Variants in CDK6 observed in about 807,000 individuals in gnomAD.
CDK6 encodes the protein cyclin-dependent kinase 6.
A neutral mutation model predicts 37.1 loss-of-function variants in CDK6; 6 were observed. The ratio of observed to expected loss-of-function variants is 0.16; its 90% CI spans 0.09 to 0.32. CDK6 has a LOEUF of 0.32. Among genes scored for constraint, CDK6 ranks in the 10% least tolerant of loss-of-function variants. CDK6 has a pLI of 1.00. For synonymous variants in CDK6, 160 were observed against 161.3 expected (o/e 0.99, Z 0.06); for missense variants, 224 against 418.9 (o/e 0.53, Z 4.06).
Position 92,612,191 on chromosome 7 carries a change from CAG to C in CDK6, c.*2947_*2948del. On this transcript the variant is annotated 3_prime_UTR_variant, in exon 8 of 8. Transcript: ENST00000424848. ...TGAGCCGCCAGAACCAAACATCAAA[CAG>C]AAACTAGCAGGGACATTCTTGTACT... 1 of 233,144 alleles carries C rather than the reference CAG, an allele frequency of 4.3e-6. No individual in the cohort carries two copies. Among genetic ancestry groups the C allele is most frequent in the South Asian group, 1.8e-4 (1 of 5,526 alleles). The allele number at this position is 233,144 out of a possible 1,614,324, so 14.4% of individuals were successfully genotyped here. A position where few individuals can be genotyped will look rare whatever the true frequency, so the allele number is the denominator to read the frequency against.
At position 92,650,474 on chromosome 7, in the gene CDK6, C is replaced by T. The variant is rs566367511; in HGVS notation, c.647+20952G>A. On this transcript the variant is annotated intron_variant, in intron 5 of 7. Transcript: ENST00000424848. ...CATGTTGGCATATTAATTTCTATTG[C>T]TGTTGTAACAAATTACCACCAATTT... Among the ~76,000 whole-genome samples, 23 of 152,100 alleles carry T rather than the reference C, an allele frequency of 1.5e-4. 1 individual carries two copies. In the South Asian group the frequency reaches 2.9e-3, roughly 19 times the overall value.
Position 92,814,801 on chromosome 7 carries a change from T to C in CDK6, c.233+18290A>G, listed in dbSNP as rs150956967. Among the ~76,000 whole-genome samples the C allele has an allele frequency of 2.0e-3, 303 of 152,158 alleles. 6 individuals are homozygous for C. The South Asian group carries it at 0.042, about 21-fold the overall frequency. On this transcript the variant is annotated intron_variant, in intron 2 of 7. Coordinates refer to ENST00000424848, the MANE Select transcript of CDK6 (RefSeq NM_001145306.2). ...GTGATGGAAGAAGTCACCAAAGAGA[T>C]AGTAGTCTCCAAAGTGAAGAACATA...
chr7:92,739,811 A>C (rs1359775887), intron 3 of CDK6, among the ~76,000 whole-genome samples: 1 of 152,200 alleles, frequency 6.6e-6, no homozygotes, highest in Non-Finnish European at 1.5e-5. Flanking sequence ...GGCTGGATGG[A>C]GTGCAGTGGT....
chr7:92,832,857 T>C (rs1228140734), intron 2 of CDK6, among the ~76,000 whole-genome samples: 2 of 152,334 alleles, frequency 1.3e-5, no homozygotes, highest in African/African-American at 4.8e-5. Flanking sequence ...CAGGGAAGCC[T>C]GCTCAGGTCA....
intron 5 of CDK6, among the ~76,000 whole-genome samples, chr7:92,635,009 A>C (rs1277104191): frequency 6.6e-6 from 1 of 152,186 alleles, no homozygotes; most frequent in East Asian, 1.9e-4. Context: ...AAGGTTAAAA[A>C]ACATGCAACC....
Position 92,817,058 on chromosome 7 carries a change from A to G in CDK6, c.233+16033T>C, listed in dbSNP as rs73416965. ...AAATATAATTTGTAGTTAATAACCT[A>G]CTCAAAAATAAATGCTAGGCCCAGA... On this transcript the variant is annotated intron_variant, in intron 2 of 7. Coordinates refer to ENST00000424848, the MANE Select transcript of CDK6 (RefSeq NM_001145306.2). Among the ~76,000 whole-genome samples, 818 of 152,086 alleles carry G rather than the reference A, an allele frequency of 5.4e-3. 7 individuals are homozygous for G. The highest frequency in any genetic ancestry group is 0.018 in the African/African-American group (763 of 41,542).
At chr7:92,656,538 G>A (rs1796703880) in intron 5 of CDK6, among the ~76,000 whole-genome samples, 1 of 152,186 alleles carries the variant, frequency 6.6e-6, no homozygotes, top group Non-Finnish European at 1.5e-5. Flanking sequence ...ACATTTACCT[G>A]AAGTTATTTA....
intron 2 of CDK6, among the ~76,000 whole-genome samples, chr7:92,798,054 G>T (rs901771053): frequency 6.6e-6 from 1 of 152,120 alleles, no homozygotes; most frequent in Non-Finnish European, 1.5e-5. Flanking sequence ...AAAATGACTC[G>T]TCCTGAATGA....
At chr7:92,713,582 C>T (rs1798151562) in intron 4 of CDK6, among the ~76,000 whole-genome samples, 3 of 150,004 alleles carry the variant, frequency 2.0e-5, no homozygotes, top group East Asian at 2.0e-4. Flanking sequence ...CTTCCATTTA[C>T]TCTGTTGCTC....
At chr7:92,657,306 C>T (rs926307747) in intron 5 of CDK6, among the ~76,000 whole-genome samples, 1 of 152,064 alleles carries the variant, frequency 6.6e-6, no homozygotes, top group African/African-American at 2.4e-5. Flanking sequence ...TTGTAAGCAG[C>T]TGATGGAAAA....
rs1801575694 is a variant in CDK6, at chr7:92,833,980, G to A, written c.-367-290C>T. Reference sequence around the variant, plus strand: ...GCAGTGGAACGGGAGGGGGCGTGCCGAGCAGCCCAGAGTGTGCCGGGAGCG... The same window carrying A: ...GCAGTGGAACGGGAGGGGGCGTGCCAAGCAGCCCAGAGTGTGCCGGGAGCG... On this transcript the variant is annotated intron_variant, in intron 1 of 7. Coordinates refer to ENST00000424848, the MANE Select transcript of CDK6 (RefSeq NM_001145306.2). This position sits in a 1 kb window ranked among gnomAD's most constrained non-coding sequence, Gnocchi z 6.1. 2 of 398,332 alleles carry A rather than the reference G, an allele frequency of 5.0e-6. No individual in the cohort carries two copies. Among genetic ancestry groups the A allele is most frequent in the Non-Finnish European group, 8.8e-6 (2 of 226,072 alleles). 24.7% of individuals were successfully genotyped at this position (398,332 alleles called of 1,614,324 possible). A position where few individuals can be genotyped will look rare whatever the true frequency, so the allele number is the denominator to read the frequency against.
chr7:92,679,349 AC>A (rs1474476660), intron 4 of CDK6, among the ~76,000 whole-genome samples: 5 of 152,206 alleles, frequency 3.3e-5, no homozygotes, highest in African/African-American at 1.2e-4. Flanking sequence ...ATTTAAAAAA[AC>A]ATATATACTT....
intron 2 of CDK6, among the ~76,000 whole-genome samples, chr7:92,810,563 C>T (rs143318315): frequency 2.2e-3 from 339 of 152,156 alleles, no homozygotes; most frequent in East Asian, 8.3e-3. Flanking sequence ...ACTGTCATGA[C>T]GAAAAGAAGT....
At chr7:92,831,488 T>A (rs1801479739) in intron 2 of CDK6, among the ~76,000 whole-genome samples, 2 of 152,142 alleles carry the variant, frequency 1.3e-5, no homozygotes, top group African/African-American at 2.4e-5. Flanking sequence ...ATTAGGTGAT[T>A]CCCCTAGGAC....
At chr7:92,616,705 G>A (rs1055406731) in intron 7 of CDK6, among the ~76,000 whole-genome samples, 3 of 152,172 alleles carry the variant, frequency 2.0e-5, no homozygotes, top group Non-Finnish European at 4.4e-5. Context: ...AGAGAAAAGA[G>A]CTGTGGGAAT....
intron 2 of CDK6, among the ~76,000 whole-genome samples, chr7:92,780,763 C>CA (rs1190033630): frequency 0.03 from 1,385 of 46,624 alleles, 12 homozygotes; most frequent in African/African-American, 0.035. Flanking sequence ...GACTCCATCT[C>CA]AAAAAAAAAA....
intron 3 of CDK6, among the ~76,000 whole-genome samples, chr7:92,755,194 C>T (rs1157353711): frequency 6.6e-6 from 1 of 152,114 alleles, no homozygotes; most frequent in East Asian, 1.9e-4. Flanking sequence ...ACACTCCTTG[C>T]TAACAGGAAA....
intron 5 of CDK6, among the ~76,000 whole-genome samples, chr7:92,649,066 A>G (rs1796511550): frequency 6.6e-6 from 1 of 152,170 alleles, no homozygotes; most frequent in Non-Finnish European, 1.5e-5. Flanking sequence ...CTCACGGTCA[A>G]ATATATTTGA....
intron 4 of CDK6, among the ~76,000 whole-genome samples, chr7:92,723,655 C>T (rs187507923): frequency 6.6e-6 from 1 of 152,008 alleles, no homozygotes; most frequent in Non-Finnish European, 1.5e-5. Context: ...CATTAAATTC[C>T]AACCGTCACT....
Sources: allele counts gnomAD v4.1 joint callset (sites outside exome capture counted in the v4.1 genomes callset), GRCh38; gene constraint gnomAD v4.1.1; non-coding constraint Gnocchi (gnomAD v3.1); transcripts MANE v1.5; gene names NCBI Gene and HGNC (gene_info 2026-07-23, HGNC 2026-07-21).